The following TMEM117 variants were observed in gnomAD, a reference collection of about 807,000 sequenced individuals.
The protein encoded by TMEM117 is transmembrane protein 117.
In TMEM117, 27 loss-of-function variants were observed where a neutral mutation model predicts 52.4. The observed-to-expected ratio is 0.51, with a 90% CI of 0.38 to 0.71. TMEM117 has a LOEUF of 0.71. TMEM117 is among the 30% of genes least tolerant of loss of function. The probability of loss-of-function intolerance (pLI) is 0.00; values close to 1 mark genes in which losing one functional copy is unlikely to be tolerated. For synonymous variants in TMEM117, 215 were observed against 206.3 expected, an observed-to-expected ratio of 1.04 and a Z score of -0.36; for missense variants, 556 against 630.5, an observed-to-expected ratio of 0.88 and a Z score of 1.26.
At chr12:44,333,320 C>T (rs557150453) in intron 6 of TMEM117, among the ~76,000 whole-genome samples, 1 of 151,996 alleles carries the variant, frequency 6.6e-6, no homozygotes, top group Non-Finnish European at 1.5e-5. Flanking sequence ...CCGGAACTGC[C>T]CTTTTGGAGC....
intron 3 of TMEM117, among the ~76,000 whole-genome samples, chr12:44,001,610 C>G (rs2137779409): frequency 6.6e-6 from 1 of 151,316 alleles, no homozygotes; most frequent in East Asian, 1.9e-4. Context: ...GGTCAGGAGG[C>G]AATATTAGGG....
chr12:44,133,953 A>G (rs984421683), intron 3 of TMEM117, among the ~76,000 whole-genome samples: 2 of 152,168 alleles, frequency 1.3e-5, no homozygotes, highest in African/African-American at 4.8e-5. Context: ...GACACTTTGT[A>G]AGAGACCTAT....
In TMEM117 at chr12:43,957,117, C is replaced by A. The variant is rs1945321623; in HGVS notation, c.410+12775C>A. Among the ~76,000 whole-genome samples the A allele has an allele frequency of 2.0e-5, 3 of 151,984 alleles. No homozygotes were observed. In the South Asian group the frequency reaches 6.2e-4, roughly 32 times the overall value. ...GAGTTGAACAATGAGAACACATGGA[C>A]ACAGGGAGGGGAACAACAGACACTG... is the stretch of plus-strand genomic sequence containing the variant. On this transcript the variant is annotated intron_variant, in intron 3 of 7. Transcript: ENST00000266534.
intron 5 of TMEM117, among the ~76,000 whole-genome samples, chr12:44,219,266 A>G (rs1247698217): frequency 1.3e-5 from 2 of 152,136 alleles, no homozygotes; most frequent in Non-Finnish European, 2.9e-5. Flanking sequence ...GGTCTAGCAG[A>G]CTTTTGACTA....
intron 3 of TMEM117, among the ~76,000 whole-genome samples, chr12:43,992,708 C>T (rs1470331940): frequency 3.3e-5 from 5 of 152,182 alleles, no homozygotes. Context: ...CCCAGGCCCC[C>T]AGCTTCACTT....
In TMEM117 at chr12:44,224,045, G is replaced by A. The variant is rs188958852; in HGVS notation, c.608+12658G>A. On this transcript the variant is annotated intron_variant, in intron 5 of 7. Coordinates refer to ENST00000266534, the MANE Select transcript of TMEM117 (RefSeq NM_032256.3). ...TTTGGTAAACATTCTTCCCCACCAT[G>A]TCCTAGCCCTTATAGCTTCCCTTCT... 1.9e-4 allele frequency among the ~76,000 whole-genome samples: 29 copies of A among 152,128 alleles called. No individual in the cohort carries two copies. In the East Asian group the frequency reaches 5.6e-3, roughly 29 times the overall value.
Position 44,389,381 on chromosome 12 carries a change from T to C in TMEM117, c.*709T>C, listed in dbSNP as rs960151855. On this transcript the variant is annotated 3_prime_UTR_variant, in exon 8 of 8. Coordinates refer to ENST00000266534, the MANE Select transcript of TMEM117 (RefSeq NM_032256.3). ...TTCCTAATTAAAGATAAATTGCTAC[T>C]TGATTAAAAATCCTGCCCTTCACCT... The C allele has an allele frequency of 6.6e-6, 1 of 152,568 alleles. No individual in the cohort carries two copies. Among genetic ancestry groups the C allele is most frequent in the East Asian group, 1.9e-4 (1 of 5,194 alleles). The allele number at this position is 152,568 out of a possible 1,614,324, so 9.5% of individuals were successfully genotyped here. A position where few individuals can be genotyped will look rare whatever the true frequency, so the allele number is the denominator to read the frequency against.
intron 4 of TMEM117, among the ~76,000 whole-genome samples, chr12:44,148,442 A>T (rs1235445824): frequency 1.3e-5 from 2 of 152,186 alleles, no homozygotes; most frequent in African/African-American, 4.8e-5. Context: ...TTTTAGAAAA[A>T]ATGTGTTGAT....
chr12:44,136,183 T>G (rs1304469666), intron 3 of TMEM117, among the ~76,000 whole-genome samples: 1 of 152,178 alleles, frequency 6.6e-6, no homozygotes, highest in Non-Finnish European at 1.5e-5. Flanking sequence ...TCTGGATTCC[T>G]TTGGGGATTT....
intron 2 of TMEM117, among the ~76,000 whole-genome samples, chr12:43,933,769 G>C (rs1944909116): frequency 6.6e-6 from 1 of 151,896 alleles, no homozygotes; most frequent in African/African-American, 2.4e-5. Context: ...CACTGTGTTG[G>C]CCAGGATGGT....
intron 3 of TMEM117, among the ~76,000 whole-genome samples, chr12:44,037,204 G>A (rs1040024170): frequency 6.6e-6 from 1 of 152,150 alleles, no homozygotes; most frequent in Admixed American, 6.5e-5. Flanking sequence ...TTGGGGGCTG[G>A]AAGCAGGCAG....
intron 6 of TMEM117, among the ~76,000 whole-genome samples, chr12:44,334,405 A>G (rs1049298890): frequency 5.3e-5 from 8 of 152,030 alleles, no homozygotes; most frequent in African/African-American, 1.9e-4. Context: ...TTAATGGAAA[A>G]GCTACCTTAC....
intron 3 of TMEM117, among the ~76,000 whole-genome samples, chr12:44,128,127 C>T (rs1328679705): frequency 6.6e-6 from 1 of 152,198 alleles, no homozygotes; most frequent in Non-Finnish European, 1.5e-5. Flanking sequence ...GGGACATATC[C>T]TCTGCCTCTC....
intron 6 of TMEM117, 32 bp from the exon 7 acceptor site, chr12:44,376,563 C>A (rs773550267): frequency 6.3e-7 from 1 of 1,580,538 alleles, no homozygotes; most frequent in South Asian, 1.2e-5. Context: ...TGAAACGAAT[C>A]ACAAATGTTT....
chr12:44,010,023 C>T, intron 3 of TMEM117: 1 of 353,696 alleles, frequency 2.8e-6, no homozygotes, highest in Non-Finnish European at 5.7e-6. Flanking sequence ...CCGAGATACT[C>T]TATTTATGTG....
intron 5 of TMEM117, among the ~76,000 whole-genome samples, chr12:44,211,898 T>C (rs749901294): frequency 2.6e-5 from 4 of 152,206 alleles, no homozygotes; most frequent in Non-Finnish European, 5.9e-5. Context: ...TTTTGTGAAG[T>C]CACCATTATT....
intron 2 of TMEM117, among the ~76,000 whole-genome samples, chr12:43,942,903 G>T (rs1465232489): frequency 6.6e-6 from 1 of 151,934 alleles, no homozygotes; most frequent in Non-Finnish European, 1.5e-5. Context: ...TTTAGGATGG[G>T]CGTGGTGGCT....
intron 2 of TMEM117, among the ~76,000 whole-genome samples, chr12:43,849,947 G>A (rs527327463): frequency 1.1e-4 from 16 of 152,112 alleles, no homozygotes; most frequent in African/African-American, 3.9e-4. Flanking sequence ...ATAGTTATCT[G>A]CTCCTCTTGT....
chr12:43,831,825 G>A (rs745594462), upstream of TMEM117, among the ~76,000 whole-genome samples: 1 of 152,090 alleles, frequency 6.6e-6, no homozygotes, highest in Non-Finnish European at 1.5e-5. Flanking sequence ...TTACAGGAGT[G>A]AGCCACCGTG....
Sources: gnomAD v4.1 joint callset for allele counts (sites outside exome capture counted in the v4.1 genomes callset) on GRCh38, gnomAD v4.1.1 for gene constraint, MANE v1.5 for transcripts, NCBI Gene and HGNC (gene_info 2026-07-23, HGNC 2026-07-21) for gene names.